Variants in DLEU7 observed in about 807,000 individuals in gnomAD.
DLEU7 encodes deleted in lymphocytic leukemia 7.
In DLEU7, 17 loss-of-function variants were observed where a neutral mutation model predicts 16.0. That is an observed-to-expected ratio of 1.06 (90% CI 0.73 to 1.59). DLEU7 has a LOEUF of 1.59. Among genes scored for constraint, DLEU7 ranks in the 40% most tolerant of loss-of-function variants. DLEU7 has a pLI of 0.00. For missense variants in DLEU7, 308 were observed against 314.9 expected (o/e 0.98, Z 0.17); for synonymous variants, 113 against 139.8 (o/e 0.81, Z 1.35).
chr13:50,765,767 G>A (rs904767447), intron 1 of DLEU7, among the ~76,000 whole-genome samples: 7 of 152,104 alleles, frequency 4.6e-5, no homozygotes, highest in African/African-American at 1.7e-4. Flanking sequence ...TGTACTGGGA[G>A]CCAGCAATAT....
At chr13:50,731,921 T>G (rs1038605404) in intron 1 of DLEU7, among the ~76,000 whole-genome samples, 3 of 152,134 alleles carry the variant, frequency 2.0e-5, no homozygotes, top group African/African-American at 7.2e-5. Flanking sequence ...CTTATAATAT[T>G]CCATTTATTA....
chr13:50,843,285 A>G lies in DLEU7; in HGVS notation c.362T>C (p.Leu121Pro). 1 of 1,572,676 alleles carries G rather than the reference A, an allele frequency of 6.4e-7. No individual in the cohort carries two copies. Among genetic ancestry groups the G allele is most frequent in the East Asian group, 2.4e-5 (1 of 40,852 alleles). The change falls in exon 1 of 2, where the codon CTG becomes CCG. Residue 121 changes from leucine to proline, a missense_variant. By Grantham distance (98) the Leu-to-Pro change is moderately conservative (BLOSUM62 -3). Transcript: ENST00000504404. This position sits in a 1 kb window ranked among gnomAD's most constrained non-coding sequence, Gnocchi z 5.7. ...CGAAGTCGAGTCCACCACGCGGGCCAGCGCGCTGCGCATCGCCATCTGGGC... is the reference window on the plus strand; with the variant it reads ...CGAAGTCGAGTCCACCACGCGGGCCGGCGCGCTGCGCATCGCCATCTGGGC... The part of the protein sequence containing the change: ...TLAQMAMRSA[L>P]ARVVDSTSEL...
intron 1 of DLEU7, among the ~76,000 whole-genome samples, chr13:50,833,823 T>G (rs1022335150): frequency 2.6e-5 from 4 of 152,188 alleles, no homozygotes; most frequent in Admixed American, 6.5e-5. Flanking sequence ...AACAGCATGG[T>G]ACTGGTACCA....
At chr13:50,763,771 A>T (rs1875015080) in intron 1 of DLEU7, among the ~76,000 whole-genome samples, 1 of 152,168 alleles carries the variant, frequency 6.6e-6, no homozygotes, top group South Asian at 2.1e-4. Context: ...TTTCAGAATC[A>T]GCCCCGTCAC....
intron 1 of DLEU7, among the ~76,000 whole-genome samples, chr13:50,724,767 C>T (rs569196244): frequency 6.6e-6 from 1 of 152,246 alleles, no homozygotes; most frequent in South Asian, 2.1e-4. Flanking sequence ...GAGCTCTGCT[C>T]ATCAGCATCA....
intron 1 of DLEU7, among the ~76,000 whole-genome samples, chr13:50,769,677 T>C (rs142843775): frequency 0.22 from 33,104 of 152,146 alleles, 3,735 homozygotes; most frequent in Middle Eastern, 0.34. Context: ...CCATGCTGTT[T>C]TGGTTACTGT....
chr13:50,814,761 A>AGTGTGTGT lies in DLEU7; in HGVS notation c.459+28419_459+28426dup, dbSNP rs10670911. On this transcript the variant is annotated intron_variant, in intron 1 of 1. Transcript: ENST00000400393. ...ATCAGTTTTTACATGTATTCATGTGAGTGTGTGTGTGTGTGTGTGTGTGTG... is the reference window on the plus strand; with the variant it reads ...ATCAGTTTTTACATGTATTCATGTGAGTGTGTGTGTGTGTGTGTGTGTGTGTGTGTGTG... Among the ~76,000 whole-genome samples, 966 of 138,632 alleles carry AGTGTGTGT rather than the reference A, an allele frequency of 7.0e-3. 2 individuals carry two copies. Among genetic ancestry groups the AGTGTGTGT allele is most frequent in the East Asian group, 0.016 (71 of 4,432 alleles). 90.9% of individuals were successfully genotyped at this position (138,632 alleles called of 152,430 possible).
At chr13:50,757,902 C>G (rs1356085504) in intron 1 of DLEU7, among the ~76,000 whole-genome samples, 1 of 152,154 alleles carries the variant, frequency 6.6e-6, no homozygotes, top group Non-Finnish European at 1.5e-5. Context: ...CAGTGATTTA[C>G]ACCTAAAATA....
intron 1 of DLEU7, among the ~76,000 whole-genome samples, chr13:50,795,483 G>C (rs1165438619): frequency 2.0e-5 from 3 of 152,202 alleles, no homozygotes; most frequent in Non-Finnish European, 4.4e-5. Flanking sequence ...CCCTGAGAGA[G>C]CAGTGGAGAT....
chr13:50,715,737 C>G (rs959995971), intron 1 of DLEU7, among the ~76,000 whole-genome samples: 1 of 152,200 alleles, frequency 6.6e-6, no homozygotes, highest in South Asian at 2.1e-4. Context: ...GGAAAAACTC[C>G]GAAGATTCCA....
intron 1 of DLEU7, among the ~76,000 whole-genome samples, chr13:50,825,150 C>T (rs932464734): frequency 5.3e-5 from 8 of 151,824 alleles, no homozygotes; most frequent in African/African-American, 1.9e-4. Context: ...AATAATTAGT[C>T]ATCCTTAAGT....
chr13:50,804,804 T>G (rs1256146313), intron 1 of DLEU7, among the ~76,000 whole-genome samples: 1 of 152,174 alleles, frequency 6.6e-6, no homozygotes, highest in Non-Finnish European at 1.5e-5. Context: ...TATTTTCTAG[T>G]GATATTGCTA....
chr13:50,820,157 T>G (rs1230982006), downstream of DLEU7, among the ~76,000 whole-genome samples: 1 of 152,140 alleles, frequency 6.6e-6, no homozygotes. Flanking sequence ...GAGACAGTCA[T>G]CAGGAGTCTT....
intron 1 of DLEU7, among the ~76,000 whole-genome samples, chr13:50,770,902 CT>C (rs1381505937): frequency 6.6e-6 from 1 of 152,030 alleles, no homozygotes; most frequent in Non-Finnish European, 1.5e-5. Context: ...TGGTCCTGGA[CT>C]TTTTTTGTTG....
chr13:50,764,338 C>G (rs186478765), intron 1 of DLEU7, among the ~76,000 whole-genome samples: 2 of 152,306 alleles, frequency 1.3e-5, no homozygotes, highest in African/African-American at 4.8e-5. Flanking sequence ...TATATTATTT[C>G]TTCCTGAAAA....
At chr13:50,828,641 A>C (rs1375245042) in intron 1 of DLEU7, among the ~76,000 whole-genome samples, 2 of 152,216 alleles carry the variant, frequency 1.3e-5, no homozygotes, top group African/African-American at 4.8e-5. Context: ...AAGTTGAACC[A>C]AAGTTTGATG....
intron 1 of DLEU7, among the ~76,000 whole-genome samples, chr13:50,757,660 T>C (rs928463192): frequency 6.6e-6 from 1 of 152,252 alleles, no homozygotes; most frequent in African/African-American, 2.4e-5. Context: ...TCTTTCAGGC[T>C]GAACTTGATC....
intron 1 of DLEU7, among the ~76,000 whole-genome samples, chr13:50,804,660 G>C (rs1283820639): frequency 1.3e-5 from 2 of 151,958 alleles, no homozygotes; most frequent in African/African-American, 4.8e-5. Flanking sequence ...TGGTCAGGCT[G>C]GTCTCGAACT....
At position 50,755,629 on chromosome 13, in the gene DLEU7, T is replaced by TAA. The variant is rs1441488942; in HGVS notation, c.460-42390_460-42389insTT. The stretch of plus-strand genomic sequence containing the variant: ...CTTTTCAGATGTCCTTGCATTGGGC[T>TAA]TCGCCTTTCTCTGGTGCCTCCCCAA... On this transcript the variant is annotated intron_variant, in intron 1 of 1. Coordinates refer to the DLEU7 transcript ENST00000400393. Among the ~76,000 whole-genome samples the TAA allele has an allele frequency of 6.6e-4, 101 of 152,358 alleles. 1 individual carries two copies. The highest frequency in any genetic ancestry group is 2.4e-3 in the African/African-American group (98 of 41,586).
Sources: gnomAD v4.1 joint callset for allele counts (sites outside exome capture counted in the v4.1 genomes callset) on GRCh38, gnomAD v4.1.1 for gene constraint, Gnocchi (gnomAD v3.1) non-coding constraint, MANE v1.5 for transcripts, NCBI Gene and HGNC (gene_info 2026-07-23, HGNC 2026-07-21) for gene names.